Variants in R3HDM1 observed in about 807,000 individuals in gnomAD.
R3HDM1 encodes the protein R3H domain-containing protein 1.
R3HDM1 carries 46 observed loss-of-function variants against 141.1 expected under a neutral mutation model. The observed-to-expected ratio is 0.33, with a 90% CI of 0.26 to 0.42. The LOEUF is 0.42. R3HDM1 is among the 10% of genes least tolerant of loss of function. The probability of loss-of-function intolerance (pLI) is 1.00; values close to 1 mark genes in which losing one functional copy is unlikely to be tolerated. For missense variants in R3HDM1, 1,184 were observed against 1,368.3 expected, an observed-to-expected ratio of 0.87 and a Z score of 2.12; for synonymous variants, 435 against 472.9, an observed-to-expected ratio of 0.92 and a Z score of 1.04.
At chr2:135,639,351 C>T (rs1398275522) in intron 14 of R3HDM1, among the ~76,000 whole-genome samples, 1 of 152,168 alleles carries the variant, frequency 6.6e-6, no homozygotes, top group African/African-American at 2.4e-5. Flanking sequence ...AAATTCTTCT[C>T]TATTGTGACA....
chr2:135,615,505 C>A lies in R3HDM1; in HGVS notation c.172-647C>A, dbSNP rs182614613. ...CACAAACTTGAGTTAGTTTGCCTTA[C>A]CGCATTCTCCAATCATGTGACTGAT... On this transcript the variant is annotated intron_variant, in intron 3 of 26. Transcript: ENST00000683871. Among the ~76,000 whole-genome samples the A allele has an allele frequency of 2.6e-5, 4 of 152,286 alleles. No homozygotes were observed. In the East Asian group the frequency reaches 7.7e-4, roughly 29 times the overall value.
chr2:135,599,006 G>C (rs1298329219), intron 1 of R3HDM1, among the ~76,000 whole-genome samples: 2 of 152,020 alleles, frequency 1.3e-5, no homozygotes, highest in African/African-American at 4.8e-5. Flanking sequence ...ATGGCTTCTA[G>C]ATTTTGGTGT....
intron 21 of R3HDM1, among the ~76,000 whole-genome samples, chr2:135,706,793 A>G (rs929243275): frequency 2.0e-5 from 3 of 152,240 alleles, no homozygotes; most frequent in African/African-American, 2.4e-5. Context: ...ACACAGACAC[A>G]GCAACCATCC....
rs367592003 is a variant in R3HDM1 at position 135,555,626 on chromosome 2, G to A, written c.-250+23993G>A. 2.0e-5 allele frequency among the ~76,000 whole-genome samples: 3 copies of A among 152,282 alleles called. No homozygotes were observed. In the East Asian group the frequency reaches 5.8e-4, roughly 29 times the overall value. On this transcript the variant is annotated intron_variant, in intron 1 of 26. Transcript: ENST00000683871. Reference sequence around the variant, plus strand: ...AAACTGTACACCAACGTTTATAGCAGCACTATTTATCGTAGTGAAAAAGTA... The same window carrying A: ...AAACTGTACACCAACGTTTATAGCAACACTATTTATCGTAGTGAAAAAGTA...
chr2:135,619,666 A>C (rs1017001330), intron 5 of R3HDM1: 1 of 844,916 alleles, frequency 1.2e-6, no homozygotes, highest in Non-Finnish European at 1.4e-6. Context: ...AAATTGGAAA[A>C]TAAATTATTT....
chr2:135,680,132 A>C, intron 20 of R3HDM1, 41 bp from the exon 21 acceptor site: 2 of 1,592,418 alleles, frequency 1.3e-6, no homozygotes, highest in Non-Finnish European at 1.7e-6. Context: ...CAAGGCCTTG[A>C]AAAAAACCTT....
chr2:135,601,816 C>G (rs987871310), intron 1 of R3HDM1, among the ~76,000 whole-genome samples: 1 of 152,114 alleles, frequency 6.6e-6, no homozygotes, highest in African/African-American at 2.4e-5. Context: ...GTGCACACCC[C>G]TACACCCAGC....
chr2:135,604,829 G>A lies in R3HDM1; in HGVS notation c.-17G>A, dbSNP rs200716680. ...AGGCTTCAAGCTCCCTGTAGAATTC[G>A]AAAATAACCTTTTCTAATGAGGATG... is the stretch of plus-strand genomic sequence containing the variant. On this transcript the variant is annotated 5_prime_UTR_variant, in exon 3 of 27. Transcript: ENST00000683871. 9.3e-5 allele frequency: 150 copies of A among 1,609,582 alleles called. No homozygotes were observed. In the African/African-American group the frequency reaches 1.3e-3, roughly 14 times the overall value.
chr2:135,636,858 C>T lies in R3HDM1; in HGVS notation c.903+675C>T, dbSNP rs185390562. On this transcript the variant is annotated intron_variant, in intron 11 of 26. Coordinates refer to ENST00000683871, the MANE Select transcript of R3HDM1 (RefSeq NM_001378107.1). ...ATTGTAAGTGAAGAACTTATTCATTCAACAAATTTTATTGAGCACCTGTAG... is the reference window on the plus strand; with the variant it reads ...ATTGTAAGTGAAGAACTTATTCATTTAACAAATTTTATTGAGCACCTGTAG... Among the ~76,000 whole-genome samples, 2 of 151,484 alleles carry T rather than the reference C, an allele frequency of 1.3e-5. 1 individual carries two copies. Among genetic ancestry groups the T allele is most frequent in the Admixed American group, 1.3e-4 (2 of 15,212 alleles).
chr2:135,695,797 A>G (rs1275148909), intron 21 of R3HDM1, among the ~76,000 whole-genome samples: 5 of 152,232 alleles, frequency 3.3e-5, no homozygotes, highest in Non-Finnish European at 7.3e-5. Context: ...CAAAAGCTGA[A>G]TTAATTGCCA....
At chr2:135,642,028 A>G (rs989857957) in intron 15 of R3HDM1, among the ~76,000 whole-genome samples, 1 of 152,218 alleles carries the variant, frequency 6.6e-6, no homozygotes, top group Non-Finnish European at 1.5e-5. Context: ...TAGCCCAATT[A>G]TAATTTTTAA....
At chr2:135,552,094 A>G (rs1699938211) in intron 1 of R3HDM1, among the ~76,000 whole-genome samples, 1 of 152,240 alleles carries the variant, frequency 6.6e-6, no homozygotes, top group African/African-American at 2.4e-5. Flanking sequence ...TGCTTTCAGC[A>G]TTGTAAGATT....
At chr2:135,667,124 C>G (rs551941996) in intron 19 of R3HDM1, 2 of 930,554 alleles carry the variant, frequency 2.1e-6, no homozygotes, top group African/African-American at 3.6e-5. Context: ...TAGTTCAGAT[C>G]ACCTATATAA....
chr2:135,561,456 C>A (rs1407571660), intron 1 of R3HDM1: 1 of 621,542 alleles, frequency 1.6e-6, no homozygotes, highest in Non-Finnish European at 2.0e-6. Flanking sequence ...GTGGCTCACA[C>A]TTGAAATCCC....
chr2:135,695,732 A>T (rs756786340), intron 21 of R3HDM1, among the ~76,000 whole-genome samples: 3 of 151,436 alleles, frequency 2.0e-5, no homozygotes, highest in Admixed American at 1.3e-4. Flanking sequence ...AAAGAAAGAA[A>T]ACTTGCATTC....
intron 3 of R3HDM1, among the ~76,000 whole-genome samples, chr2:135,610,049 A>T (rs1413351689): frequency 6.6e-6 from 1 of 152,124 alleles, no homozygotes; most frequent in Non-Finnish European, 1.5e-5. Flanking sequence ...GTCTTAAAAA[A>T]AAAAAATTTA....
chr2:135,669,018 C>G, intron 19 of R3HDM1: 1 of 583,642 alleles, frequency 1.7e-6, no homozygotes, highest in Non-Finnish European at 2.2e-6. Flanking sequence ...TGAGCCAGTT[C>G]TTCTCCTTCC....
intron 17 of R3HDM1, chr2:135,650,851 T>A (rs2065077278): frequency 1.2e-5 from 12 of 985,384 alleles, no homozygotes; most frequent in African/African-American, 1.7e-5. Flanking sequence ...GATGACTCAA[T>A]TGCCACAATT....
At chr2:135,629,932 G>A (rs1004420970) in intron 7 of R3HDM1, among the ~76,000 whole-genome samples, 2 of 152,078 alleles carry the variant, frequency 1.3e-5, no homozygotes, top group Non-Finnish European at 2.9e-5. Flanking sequence ...TACTCCTGCT[G>A]TAGTAGTCAA....
Sources: allele counts gnomAD v4.1 joint callset (sites outside exome capture counted in the v4.1 genomes callset), GRCh38; gene constraint gnomAD v4.1.1; transcripts MANE v1.5; gene names NCBI Gene and HGNC (gene_info 2026-07-23, HGNC 2026-07-21).